Variants in XRCC5 observed in about 807,000 individuals in gnomAD.
XRCC5 encodes X-ray repair cross complementing 5, also known as DNA repair protein Ku80.
In XRCC5, 12 loss-of-function variants were observed where a neutral mutation model predicts 95.7. The ratio of observed to expected loss-of-function variants is 0.13; its 90% CI spans 0.08 to 0.20. The LOEUF is 0.20. XRCC5 is among the 10% of genes least tolerant of loss of function. XRCC5 has a pLI of 1.00. For missense variants in XRCC5, 595 were observed against 873.9 expected, an observed-to-expected ratio of 0.68 and a Z score of 4.02; for synonymous variants, 281 against 290.3, an observed-to-expected ratio of 0.97 and a Z score of 0.33.
At chr2:216,187,868 C>T (rs1689536306) in intron 16 of XRCC5, among the ~76,000 whole-genome samples, 1 of 145,648 alleles carries the variant, frequency 6.9e-6, no homozygotes, top group Non-Finnish European at 1.5e-5. Flanking sequence ...CTCTCCCCGT[C>T]TCCCTGTCTC....
chr2:216,184,032 C>CTGTGTGTGTGTGTG (rs3221952), intron 16 of XRCC5, among the ~76,000 whole-genome samples: 2,709 of 145,656 alleles, frequency 0.019, 28 homozygotes, highest in South Asian at 0.023. Flanking sequence ...TAAGTCAGCA[C>CTGTGTGTGTGTGTG]TGTGTGTGTG....
chr2:216,174,368 C>CA (rs1689230520), intron 16 of XRCC5, among the ~76,000 whole-genome samples: 1 of 152,174 alleles, frequency 6.6e-6, no homozygotes, highest in Non-Finnish European at 1.5e-5. Flanking sequence ...TGCAAGTCAG[C>CA]ATATGTTTCT....
chr2:216,204,478 TAC>T (rs1351704798), intron 20 of XRCC5, 82 bp downstream of exon 20: 11 of 1,458,624 alleles, frequency 7.5e-6, no homozygotes, highest in Non-Finnish European at 1.1e-5. Context: ...CTGATTATCT[TAC>T]ACTTGTTGCT....
chr2:216,197,951 G>T (rs1452985684), intron 19 of XRCC5, among the ~76,000 whole-genome samples: 1 of 152,118 alleles, frequency 6.6e-6, no homozygotes, highest in Non-Finnish European at 1.5e-5. Context: ...ATCATATCTA[G>T]ATAATGGTAG....
chr2:216,131,092 AT>A, intron 9 of XRCC5, 105 bp downstream of exon 9: 1 of 1,423,536 alleles, frequency 7.0e-7, no homozygotes, highest in Non-Finnish European at 9.3e-7. Context: ...TTCACTTTTA[AT>A]TTTTCTAAAA....
At chr2:216,140,351 T>C (rs1228863482) in intron 12 of XRCC5, among the ~76,000 whole-genome samples, 1 of 152,252 alleles carries the variant, frequency 6.6e-6, no homozygotes, top group African/African-American at 2.4e-5. Flanking sequence ...CCAGAAATAG[T>C]GCCTCAGGTT....
At chr2:216,177,686 T>C (rs998677366) in intron 16 of XRCC5, among the ~76,000 whole-genome samples, 3 of 152,234 alleles carry the variant, frequency 2.0e-5, no homozygotes, top group Non-Finnish European at 4.4e-5. Flanking sequence ...TCAATGTTTA[T>C]AGATTTTGAA....
intron 14 of XRCC5, among the ~76,000 whole-genome samples, chr2:216,155,288 C>A (rs1308135990): frequency 6.9e-6 from 1 of 145,902 alleles, no homozygotes; most frequent in East Asian, 2.0e-4. Flanking sequence ...TATACAAGGA[C>A]CTCTTGGCAA....
At chr2:216,177,488 G>GC (rs1187951148) in intron 16 of XRCC5, among the ~76,000 whole-genome samples, 1 of 152,166 alleles carries the variant, frequency 6.6e-6, no homozygotes, top group African/African-American at 2.4e-5. Flanking sequence ...TATGTGTGCT[G>GC]CAAGACTGTA....
At chr2:216,178,998 A>G (rs1031252244) in intron 16 of XRCC5, among the ~76,000 whole-genome samples, 1 of 152,220 alleles carries the variant, frequency 6.6e-6, no homozygotes, top group Non-Finnish European at 1.5e-5. Flanking sequence ...AAGAAAATAT[A>G]TGTCAAATGG....
intron 15 of XRCC5, among the ~76,000 whole-genome samples, chr2:216,160,674 A>AATTG (rs1688935248): frequency 6.6e-6 from 1 of 151,870 alleles, no homozygotes; most frequent in African/African-American, 2.4e-5. Flanking sequence ...TTAATTAATT[A>AATTG]ATTAATTAAT....
At chr2:216,137,376 C>CT (rs1439667407) in intron 11 of XRCC5, 151 bp downstream of exon 11, 13 of 879,276 alleles carry the variant, frequency 1.5e-5, no homozygotes, top group Non-Finnish European at 2.0e-5. Flanking sequence ...CCCAGATTCT[C>CT]TGTTTCTCTC....
At chr2:216,143,243 C>T (rs1444252129) in intron 13 of XRCC5, among the ~76,000 whole-genome samples, 2 of 152,180 alleles carry the variant, frequency 1.3e-5, no homozygotes, top group African/African-American at 4.8e-5. Context: ...CAGGGACCAT[C>T]TGTACTCTAG....
At chr2:216,198,140 G>A (rs979171392) in intron 19 of XRCC5, among the ~76,000 whole-genome samples, 6 of 152,222 alleles carry the variant, frequency 3.9e-5, no homozygotes, top group African/African-American at 9.6e-5. Context: ...TGAGCTCACC[G>A]AGGTAGCAAG....
chr2:216,204,865 TTGTTGATG>T (rs1224069671), intron 20 of XRCC5, among the ~76,000 whole-genome samples: 1 of 152,178 alleles, frequency 6.6e-6, no homozygotes, highest in African/African-American at 2.4e-5. Flanking sequence ...TTACACCATG[TTGTTGATG>T]TCTGGGAAGC....
At position 216,109,403 on chromosome 2, in the gene XRCC5, G is replaced by A. The variant is rs953387586; in HGVS notation, c.-34G>A. 2 of 1,613,670 alleles carry A rather than the reference G, an allele frequency of 1.2e-6. No individual in the cohort carries two copies. The highest frequency in any genetic ancestry group is 2.2e-5 in the South Asian group (2 of 91,042). On this transcript the variant is annotated 5_prime_UTR_variant, in exon 1 of 21. Coordinates refer to ENST00000392132, the MANE Select transcript of XRCC5 (RefSeq NM_021141.4). ...TTGCGACACGGCAGGTTCCCGCCCG[G>A]AAGAAGCGACCAAAGCGCCTGAGGA...
At chr2:216,197,519 A>T (rs1370560416) in intron 19 of XRCC5, among the ~76,000 whole-genome samples, 1 of 152,024 alleles carries the variant, frequency 6.6e-6, no homozygotes, top group Non-Finnish European at 1.5e-5. Context: ...ATCATAAAAA[A>T]CAAGTGGAGA....
chr2:216,195,317 T>G (rs1689694212), intron 19 of XRCC5, among the ~76,000 whole-genome samples: 1 of 146,772 alleles, frequency 6.8e-6, no homozygotes. Flanking sequence ...GGCCACACAT[T>G]AGTTACTTGG....
chr2:216,184,032 CTG>C (rs3221952), intron 16 of XRCC5, among the ~76,000 whole-genome samples: 26,503 of 145,402 alleles, frequency 0.18, 2,721 homozygotes, highest in Non-Finnish European at 0.25. Context: ...TAAGTCAGCA[CTG>C]TGTGTGTGTG....
Sources: gnomAD v4.1 joint callset for allele counts (sites outside exome capture counted in the v4.1 genomes callset) on GRCh38, gnomAD v4.1.1 for gene constraint, MANE v1.5 for transcripts, NCBI Gene and HGNC (gene_info 2026-07-23, HGNC 2026-07-21) for gene names.